Variants in TBP observed in about 807,000 individuals in gnomAD.
The protein encoded by TBP is TATA-box-binding protein.
In TBP, 12 loss-of-function variants were observed where a neutral mutation model predicts 46.2. That is an observed-to-expected ratio of 0.26 (90% confidence interval 0.17 to 0.42). The LOEUF is 0.42. TBP is among the 10% of genes least tolerant of loss of function. TBP has a pLI of 1.00. For missense variants in TBP, 229 were observed against 403.1 expected (o/e 0.57, Z 3.70); for synonymous variants, 157 against 148.3 (o/e 1.06, Z -0.42).
intron 1 of TBP, 26 bp from the exon 2 acceptor site, chr6:170,556,856 A>T: frequency 1.5e-6 from 1 of 648,308 alleles, no homozygotes; most frequent in Non-Finnish European, 2.7e-6. Flanking sequence ...TCCTTAAATT[A>T]AACTTTAGAC....
At chr6:170,569,328 T>C (rs913376415) in intron 5 of TBP, among the ~76,000 whole-genome samples, 3 of 152,210 alleles carry the variant, frequency 2.0e-5, no homozygotes, top group Non-Finnish European at 4.4e-5. Flanking sequence ...AATACAGAAA[T>C]AGTGATGACT....
chr6:170,562,375 A>G (rs1222534350), intron 3 of TBP, 142 bp downstream of exon 3: 2 of 965,562 alleles, frequency 2.1e-6, no homozygotes, highest in Admixed American at 2.8e-5. Flanking sequence ...TTTATCTCAC[A>G]TTTGGGAAAG....
At chr6:170,567,584 TTGAAA>T (rs1779288547) in intron 5 of TBP, 1 of 152,224 alleles carries the variant, frequency 6.6e-6, no homozygotes, top group African/African-American at 2.4e-5. Context: ...CAAATACATC[TTGAAA>T]TGGAAGAAAA....
chr6:170,564,712 C>A, intron 4 of TBP, 80 bp downstream of exon 4: 1 of 952,896 alleles, frequency 1.0e-6, no homozygotes. Flanking sequence ...ATGTATTTCA[C>A]GCTATAAAAC....
chr6:170,568,203 C>G (rs749273080), intron 5 of TBP, among the ~76,000 whole-genome samples: 14 of 152,250 alleles, frequency 9.2e-5, no homozygotes, highest in Non-Finnish European at 2.1e-4. Context: ...TTGTTTTCCC[C>G]TGCATGGAAC....
At chr6:170,566,469 AATCTGATTT>A (rs1162945191) in intron 4 of TBP, among the ~76,000 whole-genome samples, 2 of 152,258 alleles carry the variant, frequency 1.3e-5, no homozygotes, top group Non-Finnish European at 2.9e-5. Flanking sequence ...ATAGGCTTGT[AATCTGATTT>A]ATTAATTCCA....
intron 6 of TBP, among the ~76,000 whole-genome samples, chr6:170,571,109 T>C (rs1035428237): frequency 4.6e-5 from 7 of 152,188 alleles, no homozygotes; most frequent in African/African-American, 9.7e-5. Context: ...TCTAATGATA[T>C]AGAGACTGCA....
In TBP at chr6:170,572,427, T is replaced by A. The variant is rs1779381800; in HGVS notation, c.*162T>A. ...CCTTCTGTAAGTGCCCACCGCGGGATGCCGGGAAGGGGCATTATTTGTGCA... is the reference window on the plus strand; with the variant it reads ...CCTTCTGTAAGTGCCCACCGCGGGAAGCCGGGAAGGGGCATTATTTGTGCA... On this transcript the variant is annotated 3_prime_UTR_variant, in exon 8 of 8. Transcript: ENST00000392092. 7.9e-6 allele frequency: 5 copies of A among 636,364 alleles called. No individual in the cohort carries two copies. Among genetic ancestry groups the A allele is most frequent in the Non-Finnish European group, 1.4e-5 (5 of 363,642 alleles). The allele number at this position is 636,364 out of a possible 1,614,324, so 39.4% of individuals were successfully genotyped here.
At chr6:170,563,140 T>C (rs1779179990) in intron 3 of TBP, among the ~76,000 whole-genome samples, 1 of 152,202 alleles carries the variant, frequency 6.6e-6, no homozygotes, top group Non-Finnish European at 1.5e-5. Context: ...ATTTTAGTGA[T>C]TTTAGAGAGA....
Position 170,569,595 on chromosome 6 carries a change from T to C in TBP, c.678-17T>C, listed in dbSNP as rs1214491420. The C allele has an allele frequency of 1.2e-5, 19 of 1,607,394 alleles. No homozygotes were observed. Among genetic ancestry groups the C allele is most frequent in the Non-Finnish European group, 1.5e-5 (18 of 1,177,484 alleles). ...CTGGCTCTGAGTATGAATAACTCACTTTTTTCCTTTCCCTAGTGAAGAACA... is the reference window on the plus strand; with the variant it reads ...CTGGCTCTGAGTATGAATAACTCACCTTTTTCCTTTCCCTAGTGAAGAACA... On this transcript the variant is annotated splice_polypyrimidine_tract_variant and intron_variant, in intron 5 of 7. Coordinates refer to ENST00000392092, the MANE Select transcript of TBP (RefSeq NM_003194.5).
chr6:170,560,365 C>G (rs1475099433), intron 2 of TBP, among the ~76,000 whole-genome samples: 1 of 152,046 alleles, frequency 6.6e-6, no homozygotes, highest in Non-Finnish European at 1.5e-5. Context: ...ATTAGCTGGT[C>G]ATGGTGGCAT....
chr6:170,562,955 A>G (rs2114995641), intron 3 of TBP, among the ~76,000 whole-genome samples: 1 of 152,114 alleles, frequency 6.6e-6, no homozygotes, highest in Middle Eastern at 3.4e-3. Context: ...TAGATCTAGT[A>G]TTTCCTATTT....
intron 2 of TBP, 58 bp from the exon 3 acceptor site, chr6:170,561,733 G>A: frequency 6.4e-7 from 1 of 1,569,556 alleles, no homozygotes; most frequent in East Asian, 2.3e-5. Context: ...CACCAAGAAA[G>A]TTCCACAAAC....
chr6:170,571,268 T>C (rs1583134626), intron 6 of TBP, 142 bp from the exon 7 acceptor site: 1 of 633,834 alleles, frequency 1.6e-6, no homozygotes, highest in East Asian at 2.7e-5. Flanking sequence ...TATTCTATTC[T>C]ATCCTTTGAT....
At chr6:170,567,169 T>G (rs1411476433) in intron 5 of TBP, 160 bp downstream of exon 5, 1 of 269,166 alleles carries the variant, frequency 3.7e-6, no homozygotes, top group Non-Finnish European at 6.4e-6. Flanking sequence ...ATTTATTTAT[T>G]TATTATTTGA....
At chr6:170,565,842 G>C (rs953494595) in intron 4 of TBP, among the ~76,000 whole-genome samples, 2 of 152,110 alleles carry the variant, frequency 1.3e-5, no homozygotes, top group Admixed American at 1.3e-4. Context: ...GGAGGCCAAG[G>C]TGGGAGGATC....
intron 5 of TBP, among the ~76,000 whole-genome samples, chr6:170,569,278 AGTTT>A (rs1252497053): frequency 3.3e-5 from 5 of 152,246 alleles, no homozygotes; most frequent in Non-Finnish European, 5.9e-5. Context: ...ATCAAAATGA[AGTTT>A]GTTAGTTTTC....
chr6:170,570,811 C>T (rs747832828), intron 6 of TBP, among the ~76,000 whole-genome samples: 12 of 151,794 alleles, frequency 7.9e-5, no homozygotes, highest in South Asian at 2.1e-4. Flanking sequence ...CCAGCCTGGG[C>T]GACACAGCAA....
chr6:170,565,024 G>A (rs1583130382), intron 4 of TBP, among the ~76,000 whole-genome samples: 2 of 131,246 alleles, frequency 1.5e-5, no homozygotes, highest in East Asian at 8.4e-4. Context: ...GGGAGTGGTG[G>A]CATGCGCCTG....
Sources: gnomAD v4.1 joint callset for allele counts (sites outside exome capture counted in the v4.1 genomes callset) on GRCh38, gnomAD v4.1.1 for gene constraint, MANE v1.5 for transcripts, NCBI Gene and HGNC (gene_info 2026-07-23, HGNC 2026-07-21) for gene names.